FRY: variants seen among roughly 807,000 people sequenced by gnomAD.
The protein encoded by FRY is FRY microtubule binding protein, also known as protein furry homolog.
In FRY, 128 loss-of-function variants were observed where a neutral mutation model predicts 348.4. The ratio of observed to expected loss-of-function variants is 0.37; its 90% CI spans 0.32 to 0.43. The LOEUF (loss-of-function observed/expected upper bound fraction) is 0.43, where lower values mean the gene tolerates loss of function less well. FRY is among the 20% of genes least tolerant of loss of function. The pLI, the probability that FRY is intolerant of heterozygous loss-of-function variation, is 1.00. For missense variants in FRY, 2,736 were observed against 3,695.2 expected, an observed-to-expected ratio of 0.74 and a Z score of 6.73; for synonymous variants, 1,370 against 1,374.7, an observed-to-expected ratio of 1.00 and a Z score of 0.08.
At chr13:32,050,217 C>T (rs1297918448) in intron 1 of FRY, among the ~76,000 whole-genome samples, 2 of 152,216 alleles carry the variant, frequency 1.3e-5, no homozygotes, top group East Asian at 3.8e-4. Flanking sequence ...CTAATGGATA[C>T]TGCATAGCTT....
intron 1 of FRY, among the ~76,000 whole-genome samples, chr13:32,054,886 A>C (rs1025350851): frequency 6.6e-6 from 1 of 152,120 alleles, no homozygotes; most frequent in East Asian, 1.9e-4. Context: ...AAAATACATA[A>C]ATAAATAAAT....
intron 28 of FRY, among the ~76,000 whole-genome samples, chr13:32,192,340 C>T (rs1883387525): frequency 7.2e-6 from 1 of 138,008 alleles, no homozygotes; most frequent in African/African-American, 2.6e-5. Context: ...GCTCTGTCCC[C>T]CCGGCTGGAG....
chr13:32,173,762 G>A (rs935836236), intron 19 of FRY, among the ~76,000 whole-genome samples: 2 of 152,118 alleles, frequency 1.3e-5, no homozygotes, highest in Admixed American at 6.6e-5. Context: ...ACAAATCCCA[G>A]TTCTCCAGGG....
At chr13:32,230,694 G>A (rs997839396) in intron 40 of FRY, among the ~76,000 whole-genome samples, 33 of 152,246 alleles carry the variant, frequency 2.2e-4, no homozygotes, top group South Asian at 1.9e-3. Flanking sequence ...TTGCTGGGTC[G>A]AATGGTATTT....
intron 11 of FRY, among the ~76,000 whole-genome samples, chr13:32,142,281 C>G (rs1023495016): frequency 1.1e-4 from 16 of 152,216 alleles, no homozygotes; most frequent in Non-Finnish European, 7.3e-5. Flanking sequence ...GATTCTAGCA[C>G]TGTCATTTAT....
At chr13:32,249,326 A>G (rs1018599970) in intron 48 of FRY, among the ~76,000 whole-genome samples, 200 bp from the exon 49 acceptor site, 2 of 151,452 alleles carry the variant, frequency 1.3e-5, no homozygotes, top group African/African-American at 2.4e-5. Flanking sequence ...CTGCCGCTAA[A>G]GAGGGGAGGA....
At chr13:32,233,073 T>C (rs924896738) in intron 41 of FRY, among the ~76,000 whole-genome samples, 2 of 152,184 alleles carry the variant, frequency 1.3e-5, no homozygotes, top group African/African-American at 4.8e-5. Flanking sequence ...AAAAGCTTTT[T>C]TGAAGCATCA....
intron 19 of FRY, among the ~76,000 whole-genome samples, chr13:32,173,969 A>G (rs1227794475): frequency 6.6e-6 from 1 of 152,246 alleles, no homozygotes; most frequent in Admixed American, 6.5e-5. Context: ...TTTAATCTTG[A>G]TGATGGTAGA....
intron 48 of FRY, among the ~76,000 whole-genome samples, chr13:32,247,863 C>T (rs1392361198): frequency 6.6e-6 from 1 of 152,176 alleles, no homozygotes; most frequent in African/African-American, 2.4e-5. Flanking sequence ...ACAGCCAGTT[C>T]AGCAGATGAC....
chr13:32,145,523 T>TTTG (rs1880351231), intron 11 of FRY, among the ~76,000 whole-genome samples: 2 of 120,504 alleles, frequency 1.7e-5, no homozygotes, highest in Admixed American at 8.3e-5. Context: ...CTCTGACTGA[T>TTTG]TTGTTTTTTT....
At chr13:32,141,540 C>CTGT (rs918496215) in intron 11 of FRY, among the ~76,000 whole-genome samples, 2 of 152,300 alleles carry the variant, frequency 1.3e-5, no homozygotes, top group African/African-American at 4.8e-5. Flanking sequence ...CTACAGAAGC[C>CTGT]TGTTATAAAT....
At chr13:32,068,444 T>G (rs1874394908) in intron 1 of FRY, among the ~76,000 whole-genome samples, 2 of 152,214 alleles carry the variant, frequency 1.3e-5, no homozygotes, top group African/African-American at 4.8e-5. Flanking sequence ...CTCATCTTCC[T>G]TTGCGCACGG....
chr13:32,197,773 C>T (rs992660364), intron 29 of FRY, among the ~76,000 whole-genome samples: 2 of 152,222 alleles, frequency 1.3e-5, no homozygotes, highest in African/African-American at 4.8e-5. Context: ...CCATCTTGAG[C>T]TTTGTCACAT....
In FRY at chr13:32,124,151, A is replaced by G. The variant is rs975598345; in HGVS notation, c.465-135A>G. ...CTCCGCCCGGCCAACGTTAGCATGT[A>G]TCTACCAGTGCAATTATATAATTTT... On this transcript the variant is annotated intron_variant, in intron 4 of 60. Transcript: ENST00000542859. 39 of 674,938 alleles carry G rather than the reference A, an allele frequency of 5.8e-5. No individual in the cohort carries two copies. The Admixed American group carries it at 8.3e-4, about 14-fold the overall frequency. The allele number at this position is 674,938 out of a possible 1,614,324, so 41.8% of individuals were successfully genotyped here. A position where few individuals can be genotyped will look rare whatever the true frequency, so the allele number is the denominator to read the frequency against.
At chr13:32,246,195 T>G (rs1886787968) in intron 47 of FRY, among the ~76,000 whole-genome samples, 1 of 152,260 alleles carries the variant, frequency 6.6e-6, no homozygotes, top group Non-Finnish European at 1.5e-5. Flanking sequence ...AATAGTAGCT[T>G]ATTTCACATT....
chr13:32,289,758 T>A lies in FRY; in HGVS notation c.8580+15T>A. ...CCATGCCAGAGGTGAGTCCACACGC[T>A]TCCCAACCCCACGTCCCACCACAAA... On this transcript the variant is annotated intron_variant, in intron 59 of 60. Coordinates refer to ENST00000542859, the MANE Select transcript of FRY (RefSeq NM_023037.3). 1 of 1,364,288 alleles carries A rather than the reference T, an allele frequency of 7.3e-7. No individual in the cohort carries two copies. 84.5% of individuals were successfully genotyped at this position (1,364,288 alleles called of 1,614,324 possible).
intron 37 of FRY, 90 bp from the exon 38 acceptor site, chr13:32,224,843 T>G: frequency 1.2e-6 from 1 of 836,312 alleles, no homozygotes; most frequent in Non-Finnish European, 2.1e-6. Flanking sequence ...TTAAAAACAC[T>G]TAAGAGTTAT....
chr13:32,128,464 A>G (rs1229805252), intron 7 of FRY, among the ~76,000 whole-genome samples: 2 of 152,206 alleles, frequency 1.3e-5, no homozygotes, highest in Admixed American at 6.5e-5. Context: ...TGTGATTCAC[A>G]TGGCTCATGG....
rs565959928 is a variant in FRY, at chr13:32,078,656, A to G, written c.71-178A>G. On this transcript the variant is annotated intron_variant, in intron 1 of 60. Coordinates refer to ENST00000542859, the MANE Select transcript of FRY (RefSeq NM_023037.3). Reference sequence around the variant, plus strand: ...TGATCAAATGTGGTATAACACAAACATAGTATAATGAAAATAATAAAATTC... The same window carrying G: ...TGATCAAATGTGGTATAACACAAACGTAGTATAATGAAAATAATAAAATTC... Among the ~76,000 whole-genome samples, 3 of 152,362 alleles carry G rather than the reference A, an allele frequency of 2.0e-5. No individual in the cohort carries two copies. The East Asian group carries it at 5.8e-4, about 29-fold the overall frequency.
Sources: gnomAD v4.1 joint callset for allele counts (sites outside exome capture counted in the v4.1 genomes callset) on GRCh38, gnomAD v4.1.1 for gene constraint, MANE v1.5 for transcripts, NCBI Gene and HGNC (gene_info 2026-07-23, HGNC 2026-07-21) for gene names.